Variants in AFF3 observed in about 807,000 individuals in gnomAD.
The protein encoded by AFF3 is AF4/FMR2 family member 3.
In AFF3, 32 loss-of-function variants were observed where a neutral mutation model predicts 129.7. The ratio of observed to expected loss-of-function variants is 0.25; its 90% CI spans 0.19 to 0.33. AFF3 has a LOEUF of 0.33. Among genes scored for constraint, AFF3 ranks in the 10% least tolerant of loss-of-function variants. The probability of loss-of-function intolerance (pLI) is 1.00; values close to 1 mark genes in which losing one functional copy is unlikely to be tolerated. For missense variants in AFF3, 1,373 were observed against 1,592.0 expected, an observed-to-expected ratio of 0.86 and a Z score of 2.34; for synonymous variants, 644 against 635.4, an observed-to-expected ratio of 1.01 and a Z score of -0.20.
intron 8 of AFF3, among the ~76,000 whole-genome samples, chr2:99,767,028 G>A (rs1207803568): frequency 6.6e-6 from 1 of 152,146 alleles, no homozygotes; most frequent in African/African-American, 2.4e-5. Context: ...TCCCTGTTTT[G>A]AAAAGAGGTC....
At chr2:99,733,419 A>AC (rs1680002642) in intron 10 of AFF3, among the ~76,000 whole-genome samples, 3 of 150,460 alleles carry the variant, frequency 2.0e-5, no homozygotes, top group African/African-American at 7.3e-5. Context: ...AACAACAACA[A>AC]AACTTTTCCC....
At chr2:100,019,172 C>G (rs767434238) in intron 4 of AFF3, among the ~76,000 whole-genome samples, 21 of 152,076 alleles carry the variant, frequency 1.4e-4, no homozygotes, top group Non-Finnish European at 2.8e-4. Flanking sequence ...CCAGAAAGCC[C>G]AGAGACCCTC....
intron 7 of AFF3, among the ~76,000 whole-genome samples, chr2:99,944,452 A>G (rs1477907206): frequency 6.6e-6 from 1 of 152,188 alleles, no homozygotes; most frequent in African/African-American, 2.4e-5. Context: ...CTGCTCACCT[A>G]CAAAAGCTCT....
At chr2:99,830,917 A>T (rs1329330926) in intron 8 of AFF3, among the ~76,000 whole-genome samples, 1 of 152,196 alleles carries the variant, frequency 6.6e-6, no homozygotes, top group Non-Finnish European at 1.5e-5. Context: ...CACTTATCCT[A>T]GTTCAGTGGG....
intron 1 of AFF3, among the ~76,000 whole-genome samples, chr2:100,137,335 C>T (rs1486884799): frequency 6.6e-6 from 1 of 152,168 alleles, no homozygotes; most frequent in Non-Finnish European, 1.5e-5. Flanking sequence ...AAAGATTTTT[C>T]CCTTTGTTAA....
chr2:99,875,625 T>C (rs1025203641), intron 7 of AFF3, among the ~76,000 whole-genome samples: 1 of 152,142 alleles, frequency 6.6e-6, no homozygotes, highest in African/African-American at 2.4e-5. Context: ...AAGCTCTTCC[T>C]CCACCAGGGG....
At chr2:99,727,559 ATTTTTTTT>A (rs35336994) in intron 10 of AFF3, among the ~76,000 whole-genome samples, 1 of 127,746 alleles carries the variant, frequency 7.8e-6, no homozygotes, top group African/African-American at 2.9e-5. Flanking sequence ...GGAGGAAAGA[ATTTTTTTT>A]TTTTTTTTTT....
intron 7 of AFF3, among the ~76,000 whole-genome samples, chr2:99,997,915 C>A (rs950416732): frequency 3.3e-5 from 5 of 152,214 alleles, no homozygotes; most frequent in African/African-American, 1.2e-4. Context: ...GACCCAGCCA[C>A]CCTCTTGATG....
At position 99,549,659 on chromosome 2, in the gene AFF3, A is replaced by T. The variant is rs1461329201; in HGVS notation, c.*1815T>A. ...AATGGAAATTCTCTTAATATTTCCA[A>T]ATGCTTGAAGGCCAAAGCCAAATGC... On this transcript the variant is annotated 3_prime_UTR_variant, in exon 25 of 25. Coordinates refer to ENST00000672756, the MANE Select transcript of AFF3 (RefSeq NM_001386135.1). The T allele has an allele frequency of 4.7e-6, 1 of 213,218 alleles. No individual in the cohort carries two copies. Among genetic ancestry groups the T allele is most frequent in the Non-Finnish European group, 9.5e-6 (1 of 105,504 alleles). 13.2% of individuals were successfully genotyped at this position (213,218 alleles called of 1,614,324 possible).
At chr2:99,581,101 C>T (rs558072022) in intron 17 of AFF3, among the ~76,000 whole-genome samples, 21 of 152,314 alleles carry the variant, frequency 1.4e-4, no homozygotes, top group East Asian at 3.9e-4. Context: ...AAATGGGATC[C>T]GCTGGATTGT....
At chr2:99,726,030 CA>C (rs1431794595) in intron 11 of AFF3, among the ~76,000 whole-genome samples, 2 of 151,944 alleles carry the variant, frequency 1.3e-5, no homozygotes, top group African/African-American at 4.8e-5. Context: ...TTTTACAACA[CA>C]AAAAAATTAA....
intron 4 of AFF3, among the ~76,000 whole-genome samples, chr2:100,045,193 T>C (rs1198883830): frequency 1.3e-5 from 2 of 152,048 alleles, no homozygotes; most frequent in African/African-American, 4.8e-5. Context: ...GCCGTTTTCC[T>C]TATCAAGTGG....
In AFF3 at chr2:99,921,887, A is replaced by T. The variant is rs137921727; in HGVS notation, c.874-84363T>A. ...AATAAAAATTAGCAACAACACTATA[A>T]AAGATAGGCAAAAGATTTGAAGAAA... On this transcript the variant is annotated intron_variant, in intron 7 of 24. Coordinates refer to ENST00000672756, the MANE Select transcript of AFF3 (RefSeq NM_001386135.1). Among the ~76,000 whole-genome samples the T allele has an allele frequency of 2.6e-5, 4 of 152,320 alleles. No homozygotes were observed. In the East Asian group the frequency reaches 7.7e-4, roughly 29 times the overall value.
chr2:100,138,559 G>A (rs896803060), intron 1 of AFF3, among the ~76,000 whole-genome samples: 10 of 152,110 alleles, frequency 6.6e-5, no homozygotes, highest in African/African-American at 2.2e-4. Flanking sequence ...GACTCCAAGA[G>A]GAAAATAGAA....
chr2:100,060,704 A>G (rs1249099367), intron 4 of AFF3, among the ~76,000 whole-genome samples: 4 of 152,164 alleles, frequency 2.6e-5, no homozygotes, highest in Non-Finnish European at 5.9e-5. Flanking sequence ...CACCCCCTGG[A>G]TACCCCTCAC....
At chr2:100,044,469 C>G (rs1685678392) in intron 4 of AFF3, among the ~76,000 whole-genome samples, 1 of 151,948 alleles carries the variant, frequency 6.6e-6, no homozygotes, top group South Asian at 2.1e-4. Flanking sequence ...GTGCAATGAA[C>G]CTCAATGTCT....
intron 8 of AFF3, among the ~76,000 whole-genome samples, chr2:99,781,978 C>A (rs1684445479): frequency 6.6e-6 from 1 of 152,120 alleles, no homozygotes; most frequent in African/African-American, 2.4e-5. Flanking sequence ...ATACTGCTAG[C>A]CTGTGTGACA....
At chr2:99,875,249 G>A (rs184154193) in intron 7 of AFF3, among the ~76,000 whole-genome samples, 88 of 151,996 alleles carry the variant, frequency 5.8e-4, no homozygotes, top group African/African-American at 2.1e-3. Context: ...ATCTGCCCCC[G>A]AGGCCTGTGG....
At chr2:99,572,665 C>T (rs1488977087) in intron 18 of AFF3, 3 of 455,616 alleles carry the variant, frequency 6.6e-6, no homozygotes, top group African/African-American at 2.0e-5. Flanking sequence ...ATCTGCTATC[C>T]GATATGTCAG....
Sources: gnomAD v4.1 joint callset for allele counts (sites outside exome capture counted in the v4.1 genomes callset) on GRCh38, gnomAD v4.1.1 for gene constraint, MANE v1.5 for transcripts, NCBI Gene and HGNC (gene_info 2026-07-23, HGNC 2026-07-21) for gene names.